PIK3CB: variants seen among roughly 807,000 people sequenced by gnomAD.
PIK3CB encodes phosphatidylinositol-4,5-bisphosphate 3-kinase catalytic subunit beta, also known as phosphatidylinositol 4,5-bisphosphate 3-kinase catalytic subunit beta isoform.
In PIK3CB, 39 loss-of-function variants were observed where a neutral mutation model predicts 136.8. That is an observed-to-expected ratio of 0.29 (90% CI 0.22 to 0.37). The LOEUF is 0.37. Among genes scored for constraint, PIK3CB ranks in the 10% least tolerant of loss-of-function variants. The pLI is 1.00. For missense variants in PIK3CB, 868 were observed against 1,275.4 expected (o/e 0.68, Z 4.87); for synonymous variants, 428 against 436.6 (o/e 0.98, Z 0.25).
intron 8 of PIK3CB, among the ~76,000 whole-genome samples, chr3:138,722,129 GTT>G (rs57765444): frequency 0.45 from 57,776 of 128,442 alleles, 13,241 homozygotes; most frequent in East Asian, 0.96. Context: ...GCTACTGGGT[GTT>G]TTTTTTTTTT....
chr3:138,831,271 A>AAATTAAATTAAATT (rs1559896092), intron 1 of PIK3CB, among the ~76,000 whole-genome samples: 43 of 139,752 alleles, frequency 3.1e-4, no homozygotes, highest in African/African-American at 1.2e-3. Flanking sequence ...TAAATAAAAT[A>AAATTAAATTAAATT]AAATAAAATA....
intron 6 of PIK3CB, among the ~76,000 whole-genome samples, chr3:138,736,039 T>G (rs1362463619): frequency 6.6e-6 from 1 of 152,204 alleles, no homozygotes; most frequent in South Asian, 2.1e-4. Flanking sequence ...TTTTTCTTTA[T>G]AATAATAGAG....
At position 138,719,519 on chromosome 3, in the gene PIK3CB, T is replaced by C. The variant is rs75939259; in HGVS notation, c.1051-4800A>G. On this transcript the variant is annotated intron_variant, in intron 8 of 23. Transcript: ENST00000674063. ...CCTTGGCTCCCAAAGGTATGAGCCT[T>C]TAACACCGGTCTAGCGTGGTATTTT... Among the ~76,000 whole-genome samples, 701 of 152,132 alleles carry C rather than the reference T, an allele frequency of 4.6e-3. 6 individuals carry two copies. The highest frequency in any genetic ancestry group is 8.0e-3 in the Non-Finnish European group (541 of 67,982).
At chr3:138,775,750 T>C (rs1373574297) in intron 2 of PIK3CB, among the ~76,000 whole-genome samples, 1 of 152,174 alleles carries the variant, frequency 6.6e-6, no homozygotes, top group Non-Finnish European at 1.5e-5. Context: ...TGTTACTATG[T>C]CTAAGATCCC....
intron 15 of PIK3CB, among the ~76,000 whole-genome samples, chr3:138,690,721 C>T (rs1395204585): frequency 8.6e-6 from 1 of 116,426 alleles, no homozygotes; most frequent in Non-Finnish European, 1.7e-5. Context: ...AGAAAACACA[C>T]ACAAAAAAAA....
At chr3:138,661,615 A>G (rs2043297001) in intron 21 of PIK3CB, among the ~76,000 whole-genome samples, 1 of 152,246 alleles carries the variant, frequency 6.6e-6, no homozygotes, top group Non-Finnish European at 1.5e-5. Flanking sequence ...CGGAAGTCCA[A>G]GGGACTCCTT....
Position 138,829,792 on chromosome 3 carries a change from A to C in PIK3CB, c.-122+4903T>G, listed in dbSNP as rs562818802. 2.0e-5 allele frequency among the ~76,000 whole-genome samples: 3 copies of C among 152,198 alleles called. No individual in the cohort carries two copies. In the South Asian group the frequency reaches 6.2e-4, roughly 32 times the overall value. ...ACAAGAGCGAAACTCCATCTCAAAA[A>C]AGAAGAAAGAAAACTGCTAGGGAAG... On this transcript the variant is annotated intron_variant, in intron 1 of 23. Coordinates refer to ENST00000674063, the MANE Select transcript of PIK3CB (RefSeq NM_006219.3).
At chr3:138,748,454 C>T (rs1217329886) in intron 4 of PIK3CB, among the ~76,000 whole-genome samples, 1 of 152,132 alleles carries the variant, frequency 6.6e-6, no homozygotes, top group East Asian at 1.9e-4. Flanking sequence ...ACTATAGCAA[C>T]CTCTGCATAA....
At chr3:138,799,899 G>A (rs1362601813) in intron 1 of PIK3CB, among the ~76,000 whole-genome samples, 9 of 151,848 alleles carry the variant, frequency 5.9e-5, no homozygotes, top group African/African-American at 1.7e-4. Flanking sequence ...GGCTGGTCTC[G>A]AACTCCTGTG....
chr3:138,704,702 G>T (rs1182877006), intron 11 of PIK3CB, among the ~76,000 whole-genome samples: 1 of 152,006 alleles, frequency 6.6e-6, no homozygotes, highest in Admixed American at 6.6e-5. Flanking sequence ...AAGGGATTAT[G>T]ACTCCTAGGA....
chr3:138,801,599 G>T (rs969581959), intron 1 of PIK3CB, among the ~76,000 whole-genome samples: 1 of 151,894 alleles, frequency 6.6e-6, no homozygotes, highest in Admixed American at 6.6e-5. Flanking sequence ...AGCCAGGCGC[G>T]GTAGCTCACA....
chr3:138,673,188 A>G (rs1027626332), intron 19 of PIK3CB, among the ~76,000 whole-genome samples: 1 of 152,154 alleles, frequency 6.6e-6, no homozygotes, highest in Non-Finnish European at 1.5e-5. Flanking sequence ...AGAGAACAGG[A>G]AAGTTTAATA....
At chr3:138,666,821 G>A (rs1172372896) in intron 19 of PIK3CB, among the ~76,000 whole-genome samples, 1 of 152,024 alleles carries the variant, frequency 6.6e-6, no homozygotes, top group Admixed American at 6.6e-5. Flanking sequence ...CAGAGCAGCA[G>A]TCCCTACACT....
At chr3:138,664,713 C>T (rs1395509667) in intron 20 of PIK3CB, among the ~76,000 whole-genome samples, 1 of 152,196 alleles carries the variant, frequency 6.6e-6, no homozygotes, top group Non-Finnish European at 1.5e-5. Flanking sequence ...ATTAAAAACT[C>T]ACTTAAGTTC....
At position 138,805,972 on chromosome 3, in the gene PIK3CB, C is replaced by T. The variant is rs539704847; in HGVS notation, c.-121-9405G>A. 8.6e-5 allele frequency among the ~76,000 whole-genome samples: 13 copies of T among 151,798 alleles called. No individual in the cohort carries two copies. The South Asian group carries it at 2.5e-3, about 29-fold the overall frequency. On this transcript the variant is annotated intron_variant, in intron 1 of 23. Transcript: ENST00000674063. ...CTCAATCTCCTGACTTCGTGATCCT[C>T]CCACCTTGGCCTCCCAAAGTGCTGG...
chr3:138,826,043 A>C, intron 1 of PIK3CB: 1 of 1,309,214 alleles, frequency 7.6e-7, no homozygotes, highest in Non-Finnish European at 1.1e-6. Flanking sequence ...CACAGCTTAC[A>C]CAGCTTGCAA....
chr3:138,706,503 G>T (rs12108068), intron 11 of PIK3CB, among the ~76,000 whole-genome samples: 5,318 of 152,260 alleles, frequency 0.035, 319 homozygotes, highest in African/African-American at 0.12. Flanking sequence ...TAATACAGCA[G>T]TGACTATACC....
chr3:138,828,716 C>T (rs1444788490), intron 1 of PIK3CB, among the ~76,000 whole-genome samples: 1 of 152,036 alleles, frequency 6.6e-6, no homozygotes, highest in African/African-American at 2.4e-5. Flanking sequence ...TATAATACTA[C>T]CTGTGAATGC....
intron 1 of PIK3CB, among the ~76,000 whole-genome samples, chr3:138,821,294 C>CA (rs1933552712): frequency 7.9e-6 from 1 of 126,746 alleles, no homozygotes; most frequent in Non-Finnish European, 1.7e-5. Context: ...AAAAAAAAAA[C>CA]AAAAAACAAA....
Sources: allele counts gnomAD v4.1 joint callset (sites outside exome capture counted in the v4.1 genomes callset), GRCh38; gene constraint gnomAD v4.1.1; transcripts MANE v1.5; gene names NCBI Gene and HGNC (gene_info 2026-07-23, HGNC 2026-07-21).